RBL2: variants seen among roughly 807,000 people sequenced by gnomAD.
RBL2 encodes retinoblastoma-like protein 2.
Under a neutral mutation model 126.0 loss-of-function variants are expected in RBL2, and 56 were observed. The ratio of observed to expected loss-of-function variants is 0.44; its 90% CI spans 0.36 to 0.56. The LOEUF (loss-of-function observed/expected upper bound fraction) is 0.56, where lower values mean the gene tolerates loss of function less well. Among genes scored for constraint, RBL2 ranks in the 20% least tolerant of loss-of-function variants. The pLI is 0.00. For synonymous variants in RBL2, 454 were observed against 478.5 expected, an observed-to-expected ratio of 0.95 and a Z score of 0.67; for missense variants, 1,229 against 1,398.2, an observed-to-expected ratio of 0.88 and a Z score of 1.93.
At chr16:53,475,462 C>T (rs143730980) in intron 17 of RBL2, among the ~76,000 whole-genome samples, 2 of 152,252 alleles carry the variant, frequency 1.3e-5, no homozygotes, top group East Asian at 3.9e-4. Flanking sequence ...GCGATCCATC[C>T]ACCTTGGCCT....
intron 3 of RBL2, among the ~76,000 whole-genome samples, chr16:53,444,518 A>C (rs2058044159): frequency 6.6e-6 from 1 of 151,972 alleles, no homozygotes; most frequent in Non-Finnish European, 1.5e-5. Flanking sequence ...ACGCCACTGC[A>C]CTCCAGCCTG....
At chr16:53,470,685 C>T (rs773686329) in intron 16 of RBL2, 22 bp downstream of exon 16, 4 of 1,613,150 alleles carry the variant, frequency 2.5e-6, no homozygotes, top group Non-Finnish European at 3.4e-6. Flanking sequence ...CATACCTTAT[C>T]AGAGCATGAG....
chr16:53,464,675 A>G (rs1414051909), intron 12 of RBL2: 2 of 201,252 alleles, frequency 9.9e-6, no homozygotes, highest in Non-Finnish European at 2.0e-5. Flanking sequence ...CTAATCTTGT[A>G]TAGCAGCCTT....
chr16:53,456,133 G>C (rs892547053), intron 8 of RBL2, among the ~76,000 whole-genome samples: 1 of 151,942 alleles, frequency 6.6e-6, no homozygotes, highest in African/African-American at 2.4e-5. Context: ...CCGTGATCGC[G>C]TCACTGCCCT....
At chr16:53,453,054 A>G (rs1006200348) in intron 5 of RBL2, among the ~76,000 whole-genome samples, 3 of 152,174 alleles carry the variant, frequency 2.0e-5, no homozygotes, top group African/African-American at 7.2e-5. Context: ...AAATACATCT[A>G]ATACATTCAA....
intron 14 of RBL2, among the ~76,000 whole-genome samples, chr16:53,467,678 G>A (rs903692063): frequency 2.0e-5 from 3 of 152,138 alleles, no homozygotes; most frequent in Admixed American, 6.6e-5. Context: ...ATGAGGCACC[G>A]TGCCCGGCTG....
At chr16:53,456,049 A>C (rs1180358031) in intron 8 of RBL2, among the ~76,000 whole-genome samples, 1 of 151,950 alleles carries the variant, frequency 6.6e-6, no homozygotes, top group African/African-American at 2.4e-5. Flanking sequence ...GGTTGTGTCC[A>C]CCTGTGGGCC....
Position 53,434,738 on chromosome 16 carries a change from C to G in RBL2, c.182C>G (p.Ala61Gly). Residue 61 changes from alanine to glycine, a missense_variant, in exon 1 of 22, where the codon GCG becomes GGG. Transcript: ENST00000262133. Reference protein sequence around the residue: ...ELCSRLNMDEAARAEAWDSYR... With the variant: ...ELCSRLNMDEGARAEAWDSYR... ...TGCAGCCGCCTCAACATGGACGAGGCGGCGCGGGCCGAGGCCTGGGACAGC... is the reference window on the plus strand; with the variant it reads ...TGCAGCCGCCTCAACATGGACGAGGGGGCGCGGGCCGAGGCCTGGGACAGC... 1 of 1,543,050 alleles carries G rather than the reference C, an allele frequency of 6.5e-7. No individual in the cohort carries two copies.
intron 1 of RBL2, 122 bp from the exon 2 acceptor site, chr16:53,438,894 C>A: frequency 2.4e-5 from 6 of 245,964 alleles, no homozygotes; most frequent in Non-Finnish European, 4.5e-5. Context: ...ATAGGGTCAT[C>A]ATTGAAACTA....
chr16:53,481,954 T>C lies in RBL2; in HGVS notation c.3249+119T>C, dbSNP rs1265484940. On this transcript the variant is annotated intron_variant, in intron 21 of 21. Transcript: ENST00000262133. ...GATGAGAGCTGCCAGGGAGCAGTGA[T>C]CAGTCAGTCCTCATGAAGCAAAACC... 6 of 1,227,336 alleles carry C rather than the reference T, an allele frequency of 4.9e-6. No individual in the cohort carries two copies. The East Asian group carries it at 9.7e-5, about 20-fold the overall frequency. The allele number at this position is 1,227,336 out of a possible 1,614,324, so 76.0% of individuals were successfully genotyped here. A position where few individuals can be genotyped will look rare whatever the true frequency, so the allele number is the denominator to read the frequency against.
At chr16:53,466,396 C>T (rs1051864913) in intron 13 of RBL2, among the ~76,000 whole-genome samples, 2 of 151,970 alleles carry the variant, frequency 1.3e-5, no homozygotes, top group Non-Finnish European at 2.9e-5. Flanking sequence ...ACATTTATTG[C>T]ACACTTTATT....
chr16:53,447,300 C>CTTCTCTTA (rs76218703), intron 4 of RBL2, among the ~76,000 whole-genome samples, 194 bp downstream of exon 4: 24,720 of 151,788 alleles, frequency 0.16, 1,999 homozygotes, highest in South Asian at 0.27. Flanking sequence ...ATATCCAAAT[C>CTTCTCTTA]TTCTCTTATT....
At chr16:53,459,417 T>C (rs781473044) in intron 8 of RBL2, 34 bp from the exon 9 acceptor site, 19 of 1,555,010 alleles carry the variant, frequency 1.2e-5, no homozygotes, top group Non-Finnish European at 1.6e-5. Flanking sequence ...TTAAAAAATG[T>C]TTATTAATTC....
chr16:53,461,381 T>C (rs2058219068), intron 9 of RBL2, among the ~76,000 whole-genome samples: 1 of 152,132 alleles, frequency 6.6e-6, no homozygotes, highest in Admixed American at 6.5e-5. Context: ...CAGTTCCAGC[T>C]ACTTGGAGGC....
Position 53,470,013 on chromosome 16 carries a change from T to G in RBL2, c.2073T>G (p.Asp691Glu). 1 of 1,614,168 alleles carries G rather than the reference T, an allele frequency of 6.2e-7. No individual in the cohort carries two copies. Among genetic ancestry groups the G allele is most frequent in the Non-Finnish European group, 8.5e-7 (1 of 1,179,972 alleles). The change falls in exon 15 of 22, where the codon GAT (aspartate) becomes GAG (glutamate). Residue 691 changes from aspartate (D) to glutamate (E), a missense_variant. Physicochemically the swap from Asp to Glu is conservative, Grantham distance 45. Around this residue, in one of 2 missense-constraint regions of RBL2, gnomAD observed 1,070 missense variants for 1,274.3 expected, o/e 0.84. Coordinates refer to ENST00000262133, the MANE Select transcript of RBL2 (RefSeq NM_005611.4). ...RLFVENDSPSDGGTPGRMPPQ... is the reference protein window; with the variant it reads ...RLFVENDSPSEGGTPGRMPPQ... ...TTGTTGAGAATGATAGCCCCTCTGATGGAGGGACGCCTGGGCGCATGCCCC... is the reference window on the plus strand; with the variant it reads ...TTGTTGAGAATGATAGCCCCTCTGAGGGAGGGACGCCTGGGCGCATGCCCC...
At chr16:53,467,789 T>C (rs2058285818) in intron 14 of RBL2, among the ~76,000 whole-genome samples, 1 of 152,234 alleles carries the variant, frequency 6.6e-6, no homozygotes, top group African/African-American at 2.4e-5. Flanking sequence ...AAGATCATTG[T>C]TGGGTGATAG....
At position 53,461,615 on chromosome 16, in the gene RBL2, TG is replaced by T. The variant is rs1283737646; in HGVS notation, c.1347-123del. The T allele has an allele frequency of 2.0e-5, 11 of 541,344 alleles. No homozygotes were observed. The East Asian group carries it at 3.8e-4, about 19-fold the overall frequency. 33.5% of individuals were successfully genotyped at this position (541,344 alleles called of 1,614,324 possible). On this transcript the variant is annotated intron_variant, in intron 9 of 21. Coordinates refer to ENST00000262133, the MANE Select transcript of RBL2 (RefSeq NM_005611.4). ...AAGTATGGGATCTCTTGGATTAATT[TG>T]GGAAGTGTATAGTTTCTGTTCAGAG...
rs1232044168 is a variant in RBL2 at position 53,490,528 on chromosome 16, G to T, written c.*228G>T. The T allele has an allele frequency of 1.9e-5, 7 of 373,992 alleles. No individual in the cohort carries two copies. The highest frequency in any genetic ancestry group is 1.8e-4 in the Admixed American group (4 of 21,852). The allele number at this position is 373,992 out of a possible 1,614,324, so 23.2% of individuals were successfully genotyped here. On this transcript the variant is annotated 3_prime_UTR_variant, in exon 22 of 22. Transcript: ENST00000262133. ...CCTACCATTCAGTGATTACTGTCAA[G>T]GCTGCTTAGAATCCAAACTTGGATT...
At chr16:53,486,634 G>C (rs1277936990) in intron 21 of RBL2, among the ~76,000 whole-genome samples, 1 of 152,150 alleles carries the variant, frequency 6.6e-6, no homozygotes, top group Admixed American at 6.5e-5. Flanking sequence ...CCTCAGCTTG[G>C]TAAACATTTA....
Sources: gnomAD v4.1 joint callset for allele counts (sites outside exome capture counted in the v4.1 genomes callset) on GRCh38, gnomAD v4.1.1 for gene constraint, gnomAD v4.1.1 regional missense constraint, MANE v1.5 for transcripts, NCBI Gene and HGNC (gene_info 2026-07-23, HGNC 2026-07-21) for gene names.